Variants in FOXK2 observed in about 807,000 individuals in gnomAD.
FOXK2 encodes the protein forkhead box protein K2.
A neutral mutation model predicts 53.3 loss-of-function variants in FOXK2; 24 were observed. The observed-to-expected ratio is 0.45, with a 90% CI of 0.33 to 0.63. The LOEUF (loss-of-function observed/expected upper bound fraction) is 0.63. Among genes scored for constraint, FOXK2 ranks in the 30% least tolerant of loss-of-function variants. FOXK2 has a pLI of 0.03. For missense variants in FOXK2, 952 were observed against 910.5 expected (o/e 1.05, Z -0.59); for synonymous variants, 505 against 407.1 (o/e 1.24, Z -2.89).
At chr17:82,578,347 T>G (rs560222581) in intron 4 of FOXK2, 1 of 152,386 alleles carries the variant, frequency 6.6e-6, no homozygotes, top group East Asian at 1.9e-4. Flanking sequence ...ACGCTCAATT[T>G]GGAAAGCCTT....
At chr17:82,541,988 CT>C (rs1455316163) in intron 1 of FOXK2, among the ~76,000 whole-genome samples, 1 of 151,154 alleles carries the variant, frequency 6.6e-6, no homozygotes, top group East Asian at 1.9e-4. Flanking sequence ...TCAAGTGATT[CT>C]TTTGCCTCAG....
chr17:82,586,782 T>C (rs2045179364), intron 7 of FOXK2, among the ~76,000 whole-genome samples: 1 of 152,018 alleles, frequency 6.6e-6, no homozygotes, highest in African/African-American at 2.4e-5. Context: ...GTGCCTGTAA[T>C]CCCAGCTACT....
intron 1 of FOXK2, among the ~76,000 whole-genome samples, chr17:82,548,407 G>C (rs2144086934): frequency 6.6e-6 from 1 of 152,042 alleles, no homozygotes; most frequent in South Asian, 2.1e-4. Flanking sequence ...AATTTGCCTT[G>C]CTGTTGAGCA....
rs182879747 is a variant in FOXK2, at chr17:82,541,382, C to T, written c.419+21075C>T. Among the ~76,000 whole-genome samples the T allele has an allele frequency of 3.0e-3, 455 of 151,428 alleles. 1 individual carries two copies. The highest frequency in any genetic ancestry group is 0.01 in the African/African-American group (423 of 41,252). ...CCGTCTCCTGGGTTCAAGTGATTCT[C>T]GTGCCTCAGCCTCCCAAGTAGCTGG... On this transcript the variant is annotated intron_variant, in intron 1 of 8. Coordinates refer to ENST00000335255, the MANE Select transcript of FOXK2 (RefSeq NM_004514.4).
intron 1 of FOXK2, among the ~76,000 whole-genome samples, chr17:82,535,275 T>C (rs1224042736): frequency 6.6e-6 from 1 of 152,268 alleles, no homozygotes; most frequent in African/African-American, 2.4e-5. Flanking sequence ...TTTTGTCTTT[T>C]GGCTTTCAAC....
chr17:82,601,071 T>G, intron 8 of FOXK2: 1 of 483,796 alleles, frequency 2.1e-6, no homozygotes, highest in Non-Finnish European at 3.7e-6. Flanking sequence ...CTGCAGTTTT[T>G]TGGGGTCCCA....
At chr17:82,536,730 G>A (rs189957662) in intron 1 of FOXK2, among the ~76,000 whole-genome samples, 4 of 152,342 alleles carry the variant, frequency 2.6e-5, no homozygotes, top group African/African-American at 9.6e-5. Context: ...CCCTGGGCAT[G>A]TGTGTAGCTT....
intron 1 of FOXK2, among the ~76,000 whole-genome samples, chr17:82,532,613 G>A (rs987648202): frequency 4.0e-5 from 6 of 151,878 alleles, no homozygotes; most frequent in African/African-American, 1.5e-4. Flanking sequence ...CTGAGACTAC[G>A]TCTCACTGTG....
rs35359900 is a variant in FOXK2 at position 82,586,661 on chromosome 17, G to A, written c.1577-402G>A. ...TCACACCTGTAATCCCAGCACTATGGGGGGCTGAGACGGTCGGATCACCTG... is the reference window on the plus strand; with the variant it reads ...TCACACCTGTAATCCCAGCACTATGAGGGGCTGAGACGGTCGGATCACCTG... On this transcript the variant is annotated intron_variant, in intron 7 of 8. Transcript: ENST00000335255. Among the ~76,000 whole-genome samples, 518 of 152,126 alleles carry A rather than the reference G, an allele frequency of 3.4e-3. 3 individuals are homozygous for A. Among genetic ancestry groups the A allele is most frequent in the African/African-American group, 0.012 (485 of 41,448 alleles).
chr17:82,546,534 C>T (rs189839910), intron 1 of FOXK2, among the ~76,000 whole-genome samples: 9 of 152,128 alleles, frequency 5.9e-5, no homozygotes, highest in Non-Finnish European at 1.2e-4. Context: ...AGGAGCTCTT[C>T]GCTGCAGGTC....
intron 8 of FOXK2, chr17:82,593,560 C>T (rs897584611): frequency 6.6e-6 from 1 of 152,356 alleles, no homozygotes; most frequent in Non-Finnish European, 1.5e-5. Context: ...GTGGGCCTTC[C>T]GAGCCTTCTG....
At chr17:82,584,327 C>A in intron 6 of FOXK2, 139 bp downstream of exon 6, 1 of 864,154 alleles carries the variant, frequency 1.2e-6, no homozygotes, top group Non-Finnish European at 1.6e-6. Context: ...TTTTATAGGC[C>A]TTGGAAAACT....
Position 82,563,478 on chromosome 17 carries a change from C to G in FOXK2, c.544C>G (p.Leu182Val). The change falls in exon 2 of 9, where the codon CTG (leucine) becomes GTG (valine). Residue 182 changes from leucine (L) to valine (V), a missense_variant. Coordinates refer to ENST00000335255, the MANE Select transcript of FOXK2 (RefSeq NM_004514.4). ...GGCCGTACAGCCACACATCTCGCCC[C>G]TGACCATCAACATTCCAGACACCAT... is the stretch of plus-strand genomic sequence containing the variant. ...VKAVQPHISP[L>V]TINIPDTMAH... is the part of the protein sequence containing the mutation. 1 of 1,614,172 alleles carries G rather than the reference C, an allele frequency of 6.2e-7. No homozygotes were observed. The highest frequency in any genetic ancestry group is 8.5e-7 in the Non-Finnish European group (1 of 1,180,020).
intron 1 of FOXK2, among the ~76,000 whole-genome samples, chr17:82,556,084 G>A (rs148608710): frequency 6.8e-4 from 104 of 152,046 alleles, no homozygotes; most frequent in African/African-American, 2.1e-3. Context: ...TGTGTGTATC[G>A]TGCGTATGCA....
chr17:82,578,830 G>T (rs1259692214), intron 4 of FOXK2, among the ~76,000 whole-genome samples: 2 of 152,206 alleles, frequency 1.3e-5, no homozygotes, highest in Non-Finnish European at 2.9e-5. Flanking sequence ...TGGTGGTGAC[G>T]CAGGGGCAGG....
In FOXK2 at chr17:82,601,378, G is replaced by T. The variant is rs150235116; in HGVS notation, c.1862G>T (p.Gly621Val). Residue 621 changes from glycine to valine, a missense_variant, in exon 9 of 9, where the codon GGT becomes GTT. By Grantham distance (109) the Gly-to-Val change is moderately radical. This residue lies in a region of FOXK2 where 551 missense variants were observed against 385.1 expected (regional missense o/e 1.43). Coordinates refer to ENST00000335255, the MANE Select transcript of FOXK2 (RefSeq NM_004514.4). Reference sequence around the variant, plus strand: ...TCCCTGCCCACAAAGCGCCACAACGGTGACCAGCCGGAGCAGCCGGAGCTG... The same window carrying T: ...TCCCTGCCCACAAAGCGCCACAACGTTGACCAGCCGGAGCAGCCGGAGCTG... ...SASLPTKRHN[G>V]DQPEQPELKR... 3.5e-5 allele frequency: 57 copies of T among 1,613,290 alleles called. No individual in the cohort carries two copies. The highest frequency in any genetic ancestry group is 4.7e-5 in the Non-Finnish European group (55 of 1,180,048).
chr17:82,544,032 T>C (rs1440471901), intron 1 of FOXK2, among the ~76,000 whole-genome samples: 1 of 152,100 alleles, frequency 6.6e-6, no homozygotes, highest in Non-Finnish European at 1.5e-5. Context: ...CGCCTCAGCC[T>C]CCCAAAGTGC....
At chr17:82,578,604 CATT>C (rs1221217749) in intron 4 of FOXK2, 1 of 152,174 alleles carries the variant, frequency 6.6e-6, no homozygotes, top group Non-Finnish European at 1.5e-5. Flanking sequence ...TTAAATGTCT[CATT>C]AATTCCTCAT....
chr17:82,592,189 G>A (rs1313385909), intron 8 of FOXK2, among the ~76,000 whole-genome samples: 1 of 152,212 alleles, frequency 6.6e-6, no homozygotes, highest in East Asian at 1.9e-4. Context: ...ACAGGTACGA[G>A]CCAGCATACC....
Sources: gnomAD v4.1 joint callset for allele counts (sites outside exome capture counted in the v4.1 genomes callset) on GRCh38, gnomAD v4.1.1 for gene constraint, gnomAD v4.1.1 regional missense constraint, MANE v1.5 for transcripts, NCBI Gene and HGNC (gene_info 2026-07-23, HGNC 2026-07-21) for gene names.